The following MAGI1 variants were observed in gnomAD, a reference collection of about 807,000 sequenced individuals.
MAGI1 encodes membrane associated guanylate kinase, WW and PDZ domain containing 1.
In MAGI1, 58 loss-of-function variants were observed where a neutral mutation model predicts 139.9. The ratio of observed to expected loss-of-function variants is 0.41; its 90% CI spans 0.34 to 0.52. The LOEUF (loss-of-function observed/expected upper bound fraction) is 0.52, where lower values mean the gene tolerates loss of function less well. Among genes scored for constraint, MAGI1 ranks in the 20% least tolerant of loss-of-function variants. The pLI is 0.12. For missense variants in MAGI1, 1,874 were observed against 1,901.6 expected (o/e 0.99, Z 0.27); for synonymous variants, 812 against 737.9 (o/e 1.10, Z -1.63).
rs184491882 is a variant in MAGI1 at position 65,956,358 on chromosome 3, T to C, written c.313+81638A>G. Among the ~76,000 whole-genome samples, 4 of 152,262 alleles carry C rather than the reference T, an allele frequency of 2.6e-5. No individual in the cohort carries two copies. The East Asian group carries it at 7.7e-4, about 29-fold the overall frequency. On this transcript the variant is annotated intron_variant, in intron 1 of 22. Coordinates refer to ENST00000402939, the MANE Select transcript of MAGI1 (RefSeq NM_001033057.2). Reference sequence around the variant, plus strand: ...TGAGTCTCAAAGAGGTAAATAACTATGTAGGTTTACATAGCCTGCCACCGG... The same window carrying C: ...TGAGTCTCAAAGAGGTAAATAACTACGTAGGTTTACATAGCCTGCCACCGG...
intron 1 of MAGI1, among the ~76,000 whole-genome samples, chr3:65,885,778 A>G (rs760140127): frequency 1.1e-4 from 16 of 152,134 alleles, no homozygotes; most frequent in Non-Finnish European, 1.8e-4. Flanking sequence ...AGTCCATTAA[A>G]CCTTTTTCCT....
At chr3:65,457,971 G>A (rs1949513631) in intron 5 of MAGI1, among the ~76,000 whole-genome samples, 2 of 151,966 alleles carry the variant, frequency 1.3e-5, no homozygotes, top group Non-Finnish European at 2.9e-5. Context: ...CCCAGCCTCT[G>A]GTAACCATCA....
chr3:65,378,503 T>C (rs1942753850), intron 17 of MAGI1, among the ~76,000 whole-genome samples: 1 of 152,174 alleles, frequency 6.6e-6, no homozygotes, highest in Non-Finnish European at 1.5e-5. Context: ...TCCTAGAGCA[T>C]TTTTACAGCC....
chr3:65,834,341 G>A (rs983493697), intron 1 of MAGI1, among the ~76,000 whole-genome samples: 3 of 152,186 alleles, frequency 2.0e-5, no homozygotes, highest in Admixed American at 6.5e-5. Context: ...CTCAAACAGT[G>A]TGAATGAGCT....
chr3:65,831,970 C>T (rs1333298211), intron 1 of MAGI1, among the ~76,000 whole-genome samples: 1 of 152,172 alleles, frequency 6.6e-6, no homozygotes, highest in East Asian at 1.9e-4. Flanking sequence ...GGGGCCTTGC[C>T]TTTCATATTG....
intron 2 of MAGI1, among the ~76,000 whole-genome samples, chr3:65,501,453 C>CAAAAAAAAAAAAAA (rs35967662): frequency 8.7e-5 from 7 of 80,646 alleles, no homozygotes; most frequent in Non-Finnish European, 1.3e-4. Flanking sequence ...GACTCTGTCT[C>CAAAAAAAAAAAAAA]AAAAAAAAAA....
At chr3:65,935,312 TAAG>T (rs984896861) in intron 1 of MAGI1, among the ~76,000 whole-genome samples, 34 of 152,256 alleles carry the variant, frequency 2.2e-4, no homozygotes, top group African/African-American at 6.7e-4. Flanking sequence ...GTGGAATGAA[TAAG>T]AAGAATGGTT....
intron 1 of MAGI1, among the ~76,000 whole-genome samples, chr3:65,872,596 T>C (rs2059975608): frequency 6.6e-6 from 1 of 152,224 alleles, no homozygotes; most frequent in Admixed American, 6.5e-5. Context: ...GGAGTGTTTA[T>C]GTCTACCAAA....
At chr3:65,579,883 C>T (rs1448186072) in intron 2 of MAGI1, among the ~76,000 whole-genome samples, 1 of 150,086 alleles carries the variant, frequency 6.7e-6, no homozygotes, top group African/African-American at 2.4e-5. Context: ...ATCATTGGGA[C>T]ATTAAAAAAG....
intron 1 of MAGI1, among the ~76,000 whole-genome samples, chr3:65,801,204 G>GA (rs753672213): frequency 1.3e-5 from 2 of 152,066 alleles, no homozygotes; most frequent in African/African-American, 2.4e-5. Context: ...AGGAAGTCAA[G>GA]AAAAAATACA....
chr3:65,375,123 A>T (rs961919647), intron 18 of MAGI1, among the ~76,000 whole-genome samples: 2 of 152,058 alleles, frequency 1.3e-5, no homozygotes, highest in African/African-American at 2.4e-5. Flanking sequence ...ACTATTTTAT[A>T]GTGTTGAAGA....
intron 1 of MAGI1, among the ~76,000 whole-genome samples, chr3:66,036,645 C>T (rs972246850): frequency 6.6e-6 from 1 of 152,180 alleles, no homozygotes; most frequent in Non-Finnish European, 1.5e-5. Context: ...GCGAGTCGGC[C>T]GCCCCCTCCT....
intron 22 of MAGI1, chr3:65,360,685 G>C (rs1940754238): frequency 8.1e-6 from 8 of 987,014 alleles, no homozygotes; most frequent in Non-Finnish European, 9.6e-6. Context: ...GACACCAGTT[G>C]GGGGATGGAG....
intron 1 of MAGI1, among the ~76,000 whole-genome samples, chr3:65,707,538 T>A (rs1046019154): frequency 1.4e-4 from 21 of 151,962 alleles, no homozygotes; most frequent in African/African-American, 4.6e-4. Flanking sequence ...AAAAATTTTT[T>A]AAATAGTCAG....
chr3:65,425,362 A>C (rs532750480), intron 12 of MAGI1, among the ~76,000 whole-genome samples: 1 of 152,064 alleles, frequency 6.6e-6, no homozygotes, highest in African/African-American at 2.4e-5. Flanking sequence ...TGACTTGCCT[A>C]AAGTCACAAT....
chr3:65,723,055 A>C (rs1488594946), intron 1 of MAGI1, among the ~76,000 whole-genome samples: 3 of 152,136 alleles, frequency 2.0e-5, no homozygotes, highest in African/African-American at 7.2e-5. Context: ...TCCCTCATGG[A>C]CTTAGGTTGC....
chr3:65,556,111 T>TA lies in MAGI1; in HGVS notation c.431-62481dup, dbSNP rs147579322. On this transcript the variant is annotated intron_variant, in intron 2 of 22. Transcript: ENST00000402939. ...GTGTGGAAGTAGCGGAACAGAGAAA[T>TA]AGAGACCTGAACTAGTACATCCCAA... 2.8e-3 allele frequency among the ~76,000 whole-genome samples: 431 copies of TA among 152,190 alleles called. 2 individuals are homozygous for TA. Among genetic ancestry groups the TA allele is most frequent in the Non-Finnish European group, 4.1e-3 (281 of 68,010 alleles).
chr3:65,809,227 T>A (rs1302847388), intron 1 of MAGI1, among the ~76,000 whole-genome samples: 1 of 152,168 alleles, frequency 6.6e-6, no homozygotes, highest in Non-Finnish European at 1.5e-5. Context: ...ATAACTGGGA[T>A]AACTGCCCAC....
intron 12 of MAGI1, among the ~76,000 whole-genome samples, chr3:65,425,022 G>T (rs1022581076): frequency 6.7e-6 from 1 of 148,798 alleles, no homozygotes; most frequent in African/African-American, 2.5e-5. Context: ...GTTGTGATGG[G>T]CCATGATCAT....
Sources: gnomAD v4.1 joint callset for allele counts (sites outside exome capture counted in the v4.1 genomes callset) on GRCh38, gnomAD v4.1.1 for gene constraint, MANE v1.5 for transcripts, NCBI Gene and HGNC (gene_info 2026-07-23, HGNC 2026-07-21) for gene names.